The following MS4A4E variants were observed in gnomAD, a reference collection of about 807,000 sequenced individuals.
The protein encoded by MS4A4E is putative membrane-spanning 4-domains subfamily A member 4E.
Under a neutral mutation model 13.3 loss-of-function variants are expected in MS4A4E, and 23 were observed. The ratio of observed to expected loss-of-function variants is 1.73; its 90% CI spans 1.25 to 2.45. MS4A4E has a LOEUF of 2.45. Among genes scored for constraint, MS4A4E ranks in the 30% most tolerant of loss-of-function variants. The probability of loss-of-function intolerance (pLI) is 0.00; values close to 1 mark genes in which losing one functional copy is unlikely to be tolerated. For synonymous variants in MS4A4E, 36 were observed against 45.6 expected (o/e 0.79, Z 0.85); for missense variants, 144 against 131.2 (o/e 1.10, Z -0.48).
Position 60,230,216 on chromosome 11 carries a change from G to A in MS4A4E, c.-16-145C>T. On this transcript the variant is annotated intron_variant, in intron 1 of 8. Coordinates refer to ENST00000651255, the MANE Select transcript of MS4A4E (RefSeq NM_001393391.1). ...AACAGTTGTTAGAGCTAGGGAAGTGGAAGAGGCAACACATTAAGTGGGGGG... is the reference window on the plus strand; with the variant it reads ...AACAGTTGTTAGAGCTAGGGAAGTGAAAGAGGCAACACATTAAGTGGGGGG... The A allele has an allele frequency of 6.9e-6, 6 of 873,252 alleles. No individual in the cohort carries two copies. The South Asian group carries it at 1.2e-4, about 17-fold the overall frequency. The allele number at this position is 873,252 out of a possible 1,614,324, so 54.1% of individuals were successfully genotyped here. A position where few individuals can be genotyped will look rare whatever the true frequency, so the allele number is the denominator to read the frequency against.
At chr11:60,210,917 C>T (rs768167752) in intron 5 of MS4A4E, among the ~76,000 whole-genome samples, 16 of 152,212 alleles carry the variant, frequency 1.1e-4, no homozygotes, top group South Asian at 2.1e-4. Context: ...GAACCAGCTA[C>T]GTAATTTACA....
intron 1 of MS4A4E, 30 bp downstream of exon 1, chr11:60,242,928 G>T: frequency 6.6e-7 from 1 of 1,511,914 alleles, no homozygotes; most frequent in Non-Finnish European, 9.1e-7. Flanking sequence ...ATCAGTCCGA[G>T]AGCCTAGGAA....
Sources: allele counts gnomAD v4.1 joint callset (sites outside exome capture counted in the v4.1 genomes callset), GRCh38; gene constraint gnomAD v4.1.1; transcripts MANE v1.5; gene names NCBI Gene and HGNC (gene_info 2026-07-23, HGNC 2026-07-21).